ACOT7: variants seen among roughly 807,000 people sequenced by gnomAD.
ACOT7 encodes the protein acyl-CoA thioesterase 7, also known as cytosolic acyl coenzyme A thioester hydrolase.
A neutral mutation model predicts 40.2 loss-of-function variants in ACOT7; 12 were observed. The observed-to-expected ratio is 0.30, with a 90% CI of 0.19 to 0.48. ACOT7 has a LOEUF of 0.48. Ranked by LOEUF, ACOT7 falls within the 20% of genes least tolerant of loss-of-function variation. ACOT7 has a pLI of 0.99. For synonymous variants in ACOT7, 228 were observed against 219.5 expected, an observed-to-expected ratio of 1.04 and a Z score of -0.34; for missense variants, 395 against 530.8, an observed-to-expected ratio of 0.74 and a Z score of 2.51.
intron 1 of ACOT7, among the ~76,000 whole-genome samples, chr1:6,363,106 T>C (rs1641925534): frequency 6.6e-6 from 1 of 152,200 alleles, no homozygotes; most frequent in African/African-American, 2.4e-5. Context: ...ATTATAATAA[T>C]CCTCGCTCTA....
chr1:6,339,587 C>G lies in ACOT7; in HGVS notation c.264G>C (p.Glu88Asp). ...CACGAGCCAGGGCGGCCACACAGCG[C>G]TCCTGTGGAGACAGAGGCAGTTGTC... The part of the protein sequence containing the change: ...STRHCNSQNG[E>D]RCVAALARVE... Residue 88 changes from glutamate to aspartate, a missense_variant and splice_region_variant, in exon 3 of 9, where the codon GAG becomes GAC. By Grantham distance (45) the Glu-to-Asp change is conservative. This residue lies in a region of ACOT7 where 309 missense variants were observed against 470.3 expected (regional missense o/e 0.66). Coordinates refer to ENST00000361521, the MANE Select transcript of ACOT7 (RefSeq NM_007274.4). 1 of 1,612,744 alleles carries G rather than the reference C, an allele frequency of 6.2e-7. No homozygotes were observed. The highest frequency in any genetic ancestry group is 8.5e-7 in the Non-Finnish European group (1 of 1,179,470).
intron 2 of ACOT7, among the ~76,000 whole-genome samples, chr1:6,340,841 G>A (rs1029752946): frequency 2.6e-5 from 4 of 152,028 alleles, no homozygotes; most frequent in Non-Finnish European, 5.9e-5. Context: ...TTCGAGACCA[G>A]CCTGGCCAAC....
Position 6,339,503 on chromosome 1 carries a change from C to T in ACOT7, c.348G>A (p.Ala116=), listed in dbSNP as rs369231427. Reference sequence around the variant, plus strand: ...AGTGCTTGGAGGTGTAGGTGATCTCCGCGCTGACATGCGCCACCTCACCGA... The same window carrying T: ...AGTGCTTGGAGGTGTAGGTGATCTCTGCGCTGACATGCGCCACCTCACCGA... ...MCIGEVAHVS[A]EITYTSKHSV... is the part of the protein sequence containing the mutation. The change falls in exon 3 of 9, where the codon GCG becomes GCA. Residue 116 remains alanine (A), a synonymous_variant. Transcript: ENST00000361521. The T allele has an allele frequency of 3.6e-5, 58 of 1,613,626 alleles. No homozygotes were observed. Among genetic ancestry groups the T allele is most frequent in the Non-Finnish European group, 4.3e-5 (51 of 1,180,044 alleles).
intron 1 of ACOT7, among the ~76,000 whole-genome samples, chr1:6,369,055 C>T (rs372940862): frequency 3.3e-5 from 5 of 152,044 alleles, no homozygotes; most frequent in East Asian, 3.9e-4. Flanking sequence ...AATCTTGGCT[C>T]ACTGCAACCT....
chr1:6,330,559 G>A lies in ACOT7; in HGVS notation c.510+2918C>T, dbSNP rs1443039804. 3.3e-5 allele frequency among the ~76,000 whole-genome samples: 5 copies of A among 152,150 alleles called. No homozygotes were observed. The South Asian group carries it at 1.0e-3, about 32-fold the overall frequency. On this transcript the variant is annotated intron_variant, in intron 4 of 8. Coordinates refer to ENST00000361521, the MANE Select transcript of ACOT7 (RefSeq NM_007274.4). The surrounding 1 kb of genome is among the most constrained non-coding windows in gnomAD (Gnocchi z 4.6). ...TCGACAAGGCCAAGTTGGTATTTATGTCTCATCAAACCCACTCTACAAAGG... is the reference window on the plus strand; with the variant it reads ...TCGACAAGGCCAAGTTGGTATTTATATCTCATCAAACCCACTCTACAAAGG...
chr1:6,273,653 T>C (rs368197796), intron 8 of ACOT7, among the ~76,000 whole-genome samples: 29 of 152,214 alleles, frequency 1.9e-4, no homozygotes, highest in African/African-American at 6.5e-4. Flanking sequence ...AACAGCTGAA[T>C]TTCCTAAATT....
intron 3 of ACOT7, among the ~76,000 whole-genome samples, chr1:6,337,351 G>A (rs897382312): frequency 2.1e-4 from 32 of 152,228 alleles, no homozygotes; most frequent in African/African-American, 7.7e-4. Context: ...AGCCCCTAAA[G>A]AGCGAGGGAT....
Position 6,264,506 on chromosome 1 carries a change from G to A in ACOT7, c.*91C>T. 8.2e-7 allele frequency: 1 copy of A among 1,217,414 alleles called. No homozygotes were observed. Among genetic ancestry groups the A allele is most frequent in the Non-Finnish European group, 1.1e-6 (1 of 872,010 alleles). The allele number at this position is 1,217,414 out of a possible 1,614,324, so 75.4% of individuals were successfully genotyped here. A position where few individuals can be genotyped will look rare whatever the true frequency, so the allele number is the denominator to read the frequency against. Reference sequence around the variant, plus strand: ...ACAACACCAGCTCTCAATGTGAATTGGGTTTTTGGCCAAGGGGGGAACTTC... The same window carrying A: ...ACAACACCAGCTCTCAATGTGAATTAGGTTTTTGGCCAAGGGGGGAACTTC... On this transcript the variant is annotated 3_prime_UTR_variant, in exon 9 of 9. Transcript: ENST00000361521.
intron 5 of ACOT7, among the ~76,000 whole-genome samples, chr1:6,323,734 AAAAATATAT>A (rs1264100714): frequency 1.6e-3 from 132 of 81,582 alleles, no homozygotes; most frequent in South Asian, 5.9e-3. Flanking sequence ...AAAAAAAAAA[AAAAATATAT>A]ATATATATAT....
rs1639982431 is a variant in ACOT7 at position 6,301,873 on chromosome 1, C to A, written c.713-6893G>T. Reference sequence around the variant, plus strand: ...AGCTGGACGGTGACATTTACAGGGACAGCCTCCTCCAGCCCCAGCAGCCAG... The same window carrying A: ...AGCTGGACGGTGACATTTACAGGGAAAGCCTCCTCCAGCCCCAGCAGCCAG... On this transcript the variant is annotated intron_variant, in intron 6 of 8. Transcript: ENST00000361521. The surrounding 1 kb of genome is among the most constrained non-coding windows in gnomAD (Gnocchi z 4.1). Among the ~76,000 whole-genome samples the A allele has an allele frequency of 6.6e-6, 1 of 152,218 alleles. No individual in the cohort carries two copies. Among genetic ancestry groups the A allele is most frequent in the African/African-American group, 2.4e-5 (1 of 41,464 alleles).
At chr1:6,335,241 AG>A in intron 3 of ACOT7, among the ~76,000 whole-genome samples, 1 of 150,494 alleles carries the variant, frequency 6.6e-6, no homozygotes, top group African/African-American at 2.4e-5. Flanking sequence ...GCAGGAGAAC[AG>A]CTTGAACCCA....
chr1:6,316,548 G>C (rs192839962), intron 6 of ACOT7, among the ~76,000 whole-genome samples: 2 of 152,204 alleles, frequency 1.3e-5, no homozygotes, highest in African/African-American at 4.8e-5. Flanking sequence ...GGTGGCTCAC[G>C]CCTGTGATCC....
rs981133771 is a variant in ACOT7 at position 6,289,556 on chromosome 1, T to C, written c.829+5308A>G. ...AGCCCAGATAATTTTTAAATTTTTG[T>C]AGAGATGGGGCCTCACCATGTTGCC... On this transcript the variant is annotated intron_variant, in intron 7 of 8. Coordinates refer to ENST00000361521, the MANE Select transcript of ACOT7 (RefSeq NM_007274.4). The surrounding 1 kb of genome is among the most constrained non-coding windows in gnomAD (Gnocchi z 4.6). Among the ~76,000 whole-genome samples the C allele has an allele frequency of 6.6e-6, 1 of 152,086 alleles. No individual in the cohort carries two copies. The highest frequency in any genetic ancestry group is 2.4e-5 in the African/African-American group (1 of 41,392).
chr1:6,349,610 G>A, intron 2 of ACOT7, 139 bp downstream of exon 2: 1 of 837,380 alleles, frequency 1.2e-6, no homozygotes, highest in Non-Finnish European at 1.9e-6. Flanking sequence ...GAAATACTTG[G>A]GCCACTTCTC....
chr1:6,338,747 G>A lies in ACOT7; in HGVS notation c.418+686C>T, dbSNP rs1032960353. ...CCCAGCCTCTCTGCATGGGAGGACTGGTGACCTGGGAGGTGGCAGGGAGAG... is the reference window on the plus strand; with the variant it reads ...CCCAGCCTCTCTGCATGGGAGGACTAGTGACCTGGGAGGTGGCAGGGAGAG... On this transcript the variant is annotated intron_variant, in intron 3 of 8. Transcript: ENST00000361521. This position sits in a 1 kb window ranked among gnomAD's most constrained non-coding sequence, Gnocchi z 4.4. Among the ~76,000 whole-genome samples the A allele has an allele frequency of 2.6e-5, 4 of 152,106 alleles. No homozygotes were observed. The highest frequency in any genetic ancestry group is 9.7e-5 in the African/African-American group (4 of 41,412).
chr1:6,362,660 A>G (rs980456877), intron 1 of ACOT7, among the ~76,000 whole-genome samples: 12 of 152,114 alleles, frequency 7.9e-5, no homozygotes, highest in African/African-American at 2.2e-4. Context: ...CCTCTCCCCA[A>G]CCGAAACTCA....
chr1:6,342,570 C>G (rs561827094), intron 2 of ACOT7, among the ~76,000 whole-genome samples: 2 of 152,222 alleles, frequency 1.3e-5, no homozygotes, highest in African/African-American at 4.8e-5. Flanking sequence ...TGGGCTCAAG[C>G]GATCCTCCAG....
chr1:6,338,332 C>T lies in ACOT7; in HGVS notation c.418+1101G>A, dbSNP rs1389400622. On this transcript the variant is annotated intron_variant, in intron 3 of 8. Transcript: ENST00000361521. This position sits in a 1 kb window ranked among gnomAD's most constrained non-coding sequence, Gnocchi z 4.4. ...CCCAAGGCCCCTAAAGTGGGGAACC[C>T]ACCCAGCCCTGAGCCTCTCCCGAGT... is the stretch of plus-strand genomic sequence containing the variant. 1.3e-5 allele frequency among the ~76,000 whole-genome samples: 2 copies of T among 152,218 alleles called. No individual in the cohort carries two copies. The highest frequency in any genetic ancestry group is 2.9e-5 in the Non-Finnish European group (2 of 68,040).
rs975790166 is a variant in ACOT7, at chr1:6,352,043, C to T, written c.144-2177G>A. Among the ~76,000 whole-genome samples, 2 of 152,128 alleles carry T rather than the reference C, an allele frequency of 1.3e-5. No individual in the cohort carries two copies. Among genetic ancestry groups the T allele is most frequent in the African/African-American group, 4.8e-5 (2 of 41,422 alleles). On this transcript the variant is annotated intron_variant, in intron 1 of 8. Coordinates refer to ENST00000361521, the MANE Select transcript of ACOT7 (RefSeq NM_007274.4). This position sits in a 1 kb window ranked among gnomAD's most constrained non-coding sequence, Gnocchi z 4.5. ...GCCAGCTGGCTACCACGGGCCTGGC[C>T]GCCTTTCTTCGGCACCTTGGGTCCT...
Sources: gnomAD v4.1 joint callset for allele counts (sites outside exome capture counted in the v4.1 genomes callset) on GRCh38, gnomAD v4.1.1 for gene constraint, gnomAD v4.1.1 regional missense constraint, Gnocchi (gnomAD v3.1) non-coding constraint, MANE v1.5 for transcripts, NCBI Gene and HGNC (gene_info 2026-07-23, HGNC 2026-07-21) for gene names.